DOCK7: variants seen among roughly 807,000 people sequenced by gnomAD.
DOCK7 encodes dedicator of cytokinesis protein 7.
A neutral mutation model predicts 271.0 loss-of-function variants in DOCK7; 138 were observed. That is an observed-to-expected ratio of 0.51 (90% confidence interval 0.44 to 0.59). The LOEUF is 0.59. DOCK7 is among the 20% of genes least tolerant of loss of function. The pLI is 0.00. For missense variants in DOCK7, 2,066 were observed against 2,592.4 expected, an observed-to-expected ratio of 0.80 and a Z score of 4.41; for synonymous variants, 823 against 876.1, an observed-to-expected ratio of 0.94 and a Z score of 1.07.
intron 14 of DOCK7, chr1:62,608,418 AT>A (rs1181389809): frequency 6.6e-6 from 1 of 152,074 alleles, no homozygotes; most frequent in Non-Finnish European, 1.5e-5. Context: ...CTCCCCACAC[AT>A]TTCTGATTGG....
intron 11 of DOCK7, chr1:62,629,251 T>C (rs1005166723): frequency 2.6e-5 from 4 of 152,102 alleles, no homozygotes; most frequent in Admixed American, 1.3e-4. Context: ...TATATCTACA[T>C]ATCTAAGGAA....
chr1:62,564,272 CA>C (rs1458642766), intron 18 of DOCK7, among the ~76,000 whole-genome samples: 2 of 152,170 alleles, frequency 1.3e-5, no homozygotes, highest in African/African-American at 4.8e-5. Flanking sequence ...ACATTCTTCT[CA>C]GCACCTCATC....
chr1:62,604,576 G>A, intron 14 of DOCK7: 2 of 1,526,074 alleles, frequency 1.3e-6, no homozygotes, highest in Middle Eastern at 3.4e-4. Flanking sequence ...GGGAAATACA[G>A]TAACAGTAAC....
chr1:62,681,269 G>C (rs548645142), intron 1 of DOCK7, among the ~76,000 whole-genome samples: 100 of 151,580 alleles, frequency 6.6e-4, no homozygotes, highest in African/African-American at 2.3e-3. Context: ...ATCATTCTCA[G>C]CAAACTATCA....
In DOCK7 at chr1:62,468,286, G is replaced by A. The variant is rs375281251; in HGVS notation, c.6212+5696C>T. Among the ~76,000 whole-genome samples the A allele has an allele frequency of 4.6e-4, 70 of 151,312 alleles. No individual in the cohort carries two copies. The East Asian group carries it at 4.9e-3, about 11-fold the overall frequency. Reference sequence around the variant, plus strand: ...TGAGGCAGGAGAATCGCTTGAACCCGGGAGGCAGAGGTTGCAGTGAGCCAA... The same window carrying A: ...TGAGGCAGGAGAATCGCTTGAACCCAGGAGGCAGAGGTTGCAGTGAGCCAA... On this transcript the variant is annotated intron_variant, in intron 48 of 49. Coordinates refer to ENST00000635253, the MANE Select transcript of DOCK7 (RefSeq NM_001367561.1).
At chr1:62,491,222 C>T (rs1176753963) in intron 41 of DOCK7, among the ~76,000 whole-genome samples, 1 of 152,154 alleles carries the variant, frequency 6.6e-6, no homozygotes, top group Non-Finnish European at 1.5e-5. Flanking sequence ...CAATATATTG[C>T]AGGATAGGGA....
At chr1:62,539,472 A>C (rs776765890) in intron 27 of DOCK7, 73 bp downstream of exon 27, 3 of 1,282,422 alleles carry the variant, frequency 2.3e-6, no homozygotes, top group Non-Finnish European at 3.3e-6. Flanking sequence ...AAGGTCTCTT[A>C]GCTCTAACTT....
At chr1:62,652,792 ATT>A (rs1557862903) in intron 4 of DOCK7, among the ~76,000 whole-genome samples, 2 of 152,192 alleles carry the variant, frequency 1.3e-5, no homozygotes, top group Non-Finnish European at 2.9e-5. Flanking sequence ...AATGTCTAAA[ATT>A]TGGCTACCAG....
At chr1:62,586,036 CATATTA>C (rs1299240869) in intron 15 of DOCK7, among the ~76,000 whole-genome samples, 1 of 152,128 alleles carries the variant, frequency 6.6e-6, no homozygotes, top group African/African-American at 2.4e-5. Flanking sequence ...AAAAGCCATA[CATATTA>C]AAATCACCCA....
intron 33 of DOCK7, 111 bp downstream of exon 33, chr1:62,513,333 T>A (rs1019718140): frequency 1.2e-4 from 110 of 948,428 alleles, no homozygotes; most frequent in Non-Finnish European, 1.5e-4. Flanking sequence ...TTATTCAAGT[T>A]AATTCACAGT....
At chr1:62,485,592 A>T in intron 43 of DOCK7, 1 of 985,442 alleles carries the variant, frequency 1.0e-6, no homozygotes, top group Non-Finnish European at 1.2e-6. Context: ...CATTGCTTTT[A>T]GAAAAAACAA....
chr1:62,556,198 T>A (rs565512291), intron 20 of DOCK7, among the ~76,000 whole-genome samples: 7 of 152,246 alleles, frequency 4.6e-5, no homozygotes, highest in African/African-American at 1.7e-4. Context: ...TGAGAACTCA[T>A]TTTACTAATT....
intron 37 of DOCK7, 71 bp from the exon 38 acceptor site, chr1:62,496,568 C>A (rs1646628624): frequency 1.4e-6 from 2 of 1,407,120 alleles, no homozygotes; most frequent in Non-Finnish European, 1.9e-6. Context: ...TTTTTCCTTG[C>A]TAAAAGTATA....
At position 62,524,967 on chromosome 1, in the gene DOCK7, T is replaced by C. The variant is rs536428466; in HGVS notation, c.3936+3184A>G. ...TATATATATATATATTACTATAAAC[T>C]ATATATTTTTAAAATGCAAACTTAG... On this transcript the variant is annotated intron_variant, in intron 31 of 49. Coordinates refer to ENST00000635253, the MANE Select transcript of DOCK7 (RefSeq NM_001367561.1). Among the ~76,000 whole-genome samples the C allele has an allele frequency of 1.3e-3, 137 of 104,624 alleles. 6 individuals are homozygous for C. Among genetic ancestry groups the C allele is most frequent in the Non-Finnish European group, 1.9e-3 (98 of 50,742 alleles). The allele number at this position is 104,624 out of a possible 152,430, so 68.6% of individuals were successfully genotyped here.
chr1:62,662,945 G>T, intron 2 of DOCK7, 80 bp downstream of exon 2: 1 of 1,129,792 alleles, frequency 8.9e-7, no homozygotes. Context: ...AACCCAATTA[G>T]CTCTTATCTT....
chr1:62,513,408 C>T (rs1376141776), intron 33 of DOCK7, 36 bp downstream of exon 33: 6 of 1,561,730 alleles, frequency 3.8e-6, no homozygotes, highest in Admixed American at 4.1e-5. Flanking sequence ...ATGATCATTA[C>T]AATATACAAC....
intron 19 of DOCK7, among the ~76,000 whole-genome samples, chr1:62,560,719 A>G (rs970531855): frequency 6.6e-6 from 1 of 151,948 alleles, no homozygotes; most frequent in African/African-American, 2.4e-5. Context: ...TGAGTTGTCC[A>G]CTCTCCCTTT....
Position 62,577,266 on chromosome 1 carries a change from G to A in DOCK7, c.2108C>T (p.Pro703Leu). 6.6e-7 allele frequency: 1 copy of A among 1,511,224 alleles called. No individual in the cohort carries two copies. The highest frequency in any genetic ancestry group is 8.9e-7 in the Non-Finnish European group (1 of 1,118,722). 93.6% of individuals were successfully genotyped at this position (1,511,224 alleles called of 1,614,324 possible). A position where few individuals can be genotyped will look rare whatever the true frequency, so the allele number is the denominator to read the frequency against. Residue 703 changes from proline to leucine, a missense_variant, in exon 18 of 50, where the codon CCT becomes CTT. Transcript: ENST00000635253. Reference sequence around the variant, plus strand: ...GTCAACATGGGAGACACTGACCTCAGGAGACAGTACAGAATAAGCCTGTGG... The same window carrying A: ...GTCAACATGGGAGACACTGACCTCAAGAGACAGTACAGAATAAGCCTGTGG... ...KPPQAYSVLS[P>L]EVPLPGMKWV...
chr1:62,492,310 A>T (rs1486459375), intron 41 of DOCK7: 1 of 154,894 alleles, frequency 6.5e-6, no homozygotes, highest in African/African-American at 2.4e-5. Context: ...TTTTTTGGAG[A>T]CAGGGTTTTA....
Sources: gnomAD v4.1 joint callset for allele counts (sites outside exome capture counted in the v4.1 genomes callset) on GRCh38, gnomAD v4.1.1 for gene constraint, MANE v1.5 for transcripts, NCBI Gene and HGNC (gene_info 2026-07-23, HGNC 2026-07-21) for gene names.